Variants in NXPH1 observed in about 807,000 individuals in gnomAD.
NXPH1 encodes neurexophilin-1.
NXPH1 carries 5 observed loss-of-function variants against 23.7 expected under a neutral mutation model. The observed-to-expected ratio is 0.21, with a 90% CI of 0.11 to 0.44. The LOEUF is 0.44. NXPH1 is among the 20% of genes least tolerant of loss of function. NXPH1 has a pLI of 0.99. For missense variants in NXPH1, 324 were observed against 321.6 expected (o/e 1.01, Z -0.06); for synonymous variants, 144 against 122.2 (o/e 1.18, Z -1.18).
At chr7:8,670,742 T>C (rs1024714258) in intron 2 of NXPH1, among the ~76,000 whole-genome samples, 8 of 152,258 alleles carry the variant, frequency 5.3e-5, no homozygotes, top group Non-Finnish European at 8.8e-5. Context: ...AAAAAGTTTT[T>C]GATACTTCAG....
At chr7:8,673,784 T>G (rs1224867791) in intron 2 of NXPH1, among the ~76,000 whole-genome samples, 1 of 152,090 alleles carries the variant, frequency 6.6e-6, no homozygotes, top group Non-Finnish European at 1.5e-5. Context: ...CTATCATTAT[T>G]AGTAGTAGTA....
intron 2 of NXPH1, among the ~76,000 whole-genome samples, chr7:8,539,563 T>G (rs1563339897): frequency 6.6e-6 from 1 of 151,898 alleles, no homozygotes; most frequent in Non-Finnish European, 1.5e-5. Flanking sequence ...TCACAGTGGT[T>G]GCAGAACTAC....
At chr7:8,644,315 G>T (rs1820361477) in intron 2 of NXPH1, among the ~76,000 whole-genome samples, 1 of 152,132 alleles carries the variant, frequency 6.6e-6, no homozygotes, top group Non-Finnish European at 1.5e-5. Context: ...TTAATTAATT[G>T]TACCCATGAA....
chr7:8,505,308 A>G (rs1408752101), intron 2 of NXPH1, among the ~76,000 whole-genome samples: 1 of 151,978 alleles, frequency 6.6e-6, no homozygotes, highest in African/African-American at 2.4e-5. Context: ...ACTCATTTTC[A>G]GTGCCAACAA....
At position 8,474,675 on chromosome 7, in the gene NXPH1, G is replaced by A. The variant is rs764541534; in HGVS notation, c.54+38908G>A. Among the ~76,000 whole-genome samples, 15 of 152,156 alleles carry A rather than the reference G, an allele frequency of 9.9e-5. 1 individual carries two copies. Among genetic ancestry groups the A allele is most frequent in the South Asian group, 2.1e-4 (1 of 4,820 alleles). On this transcript the variant is annotated intron_variant, in intron 2 of 2. Transcript: ENST00000405863. Reference sequence around the variant, plus strand: ...TATATCTGACAAAACTTTAATAGTCGCATACTAACTCTCAAGGTTTCACTC... The same window carrying A: ...TATATCTGACAAAACTTTAATAGTCACATACTAACTCTCAAGGTTTCACTC...
At chr7:8,481,327 T>A (rs1817068350) in intron 2 of NXPH1, among the ~76,000 whole-genome samples, 1 of 152,180 alleles carries the variant, frequency 6.6e-6, no homozygotes, top group Non-Finnish European at 1.5e-5. Context: ...TACGCAGAGA[T>A]GTCATTTATC....
chr7:8,741,094 G>A (rs1583256382), intron 2 of NXPH1, among the ~76,000 whole-genome samples: 1 of 152,038 alleles, frequency 6.6e-6, no homozygotes, highest in East Asian at 1.9e-4. Flanking sequence ...TCTACTTCCT[G>A]TTTCTGAGTT....
chr7:8,666,410 T>C (rs1366930564), intron 2 of NXPH1, among the ~76,000 whole-genome samples: 5 of 152,060 alleles, frequency 3.3e-5, no homozygotes, highest in Admixed American at 3.3e-4. Context: ...AGAAATCCTT[T>C]TAATATGCTG....
intron 2 of NXPH1, chr7:8,690,437 T>C (rs1323477010): frequency 1.3e-5 from 2 of 152,226 alleles, no homozygotes; most frequent in South Asian, 2.1e-4. Context: ...TTTAAAGATA[T>C]CTATGATTAG....
chr7:8,705,867 T>C (rs1435381749), intron 2 of NXPH1, among the ~76,000 whole-genome samples: 1 of 152,174 alleles, frequency 6.6e-6, no homozygotes, highest in Non-Finnish European at 1.5e-5. Context: ...AAATCTTGGT[T>C]AGCTTATTTG....
intron 2 of NXPH1, among the ~76,000 whole-genome samples, chr7:8,539,193 A>C (rs1584220072): frequency 6.6e-6 from 1 of 151,850 alleles, no homozygotes; most frequent in Non-Finnish European, 1.5e-5. Flanking sequence ...GAAGAAAAGC[A>C]CCACTATCAG....
chr7:8,507,782 T>C (rs1027640741), intron 2 of NXPH1, among the ~76,000 whole-genome samples: 1 of 152,020 alleles, frequency 6.6e-6, no homozygotes, highest in African/African-American at 2.4e-5. Flanking sequence ...CAGGAGAAAA[T>C]AAGCAGTCTT....
At chr7:8,694,297 C>A (rs918148754) in intron 2 of NXPH1, among the ~76,000 whole-genome samples, 1 of 152,172 alleles carries the variant, frequency 6.6e-6, no homozygotes, top group Non-Finnish European at 1.5e-5. Flanking sequence ...GTTGAGTTGT[C>A]CCTTGACACC....
At chr7:8,672,828 G>C (rs1484202551) in intron 2 of NXPH1, among the ~76,000 whole-genome samples, 1 of 152,110 alleles carries the variant, frequency 6.6e-6, no homozygotes, top group African/African-American at 2.4e-5. Flanking sequence ...AGTCTGCTCT[G>C]CCATCTCTTT....
chr7:8,648,611 T>A (rs181403745), intron 2 of NXPH1, among the ~76,000 whole-genome samples: 1 of 152,334 alleles, frequency 6.6e-6, no homozygotes, highest in Admixed American at 6.5e-5. Context: ...TTATAAACAG[T>A]GTTGCAACAA....
chr7:8,693,921 T>C lies in NXPH1; in HGVS notation c.55-57087T>C, dbSNP rs137937341. Among the ~76,000 whole-genome samples the C allele has an allele frequency of 5.3e-5, 8 of 152,354 alleles. No individual in the cohort carries two copies. The East Asian group carries it at 1.5e-3, about 29-fold the overall frequency. ...CCAGTTTGGACAACAAATTATGTCA[T>C]CACCCCACTTATGGTTTCTATTACT... On this transcript the variant is annotated intron_variant, in intron 2 of 2. Transcript: ENST00000405863.
chr7:8,477,434 A>G (rs1241008051), intron 2 of NXPH1, among the ~76,000 whole-genome samples: 1 of 152,122 alleles, frequency 6.6e-6, no homozygotes, highest in Non-Finnish European at 1.5e-5. Context: ...GCTAATAAAC[A>G]TACATTTTGT....
At chr7:8,707,574 T>C (rs895452846) in intron 2 of NXPH1, among the ~76,000 whole-genome samples, 3 of 152,124 alleles carry the variant, frequency 2.0e-5, no homozygotes, top group Admixed American at 6.6e-5. Flanking sequence ...TACCATTACA[T>C]TGAATGGCAA....
chr7:8,518,887 A>G (rs919354474), intron 2 of NXPH1, among the ~76,000 whole-genome samples: 1 of 152,046 alleles, frequency 6.6e-6, no homozygotes, highest in Non-Finnish European at 1.5e-5. Flanking sequence ...TAAATTCTTT[A>G]TATCTCCTTC....
Sources: allele counts gnomAD v4.1 joint callset (sites outside exome capture counted in the v4.1 genomes callset), GRCh38; gene constraint gnomAD v4.1.1; transcripts MANE v1.5; gene names NCBI Gene and HGNC (gene_info 2026-07-23, HGNC 2026-07-21).